The following CAPNS1 variants were observed in gnomAD, a reference collection of about 807,000 sequenced individuals.
CAPNS1 encodes calpain small subunit 1, also known as CANP small subunit.
A neutral mutation model predicts 39.2 loss-of-function variants in CAPNS1; 32 were observed. The observed-to-expected ratio is 0.82, with a 90% confidence interval of 0.62 to 1.10. The LOEUF is 1.10. CAPNS1 is among the 50% of genes least tolerant of loss of function. CAPNS1 has a pLI of 0.00. For missense variants in CAPNS1, 353 were observed against 373.1 expected (o/e 0.95, Z 0.44); for synonymous variants, 153 against 136.2 (o/e 1.12, Z -0.86).
In CAPNS1 at chr19:36,142,651, GC is replaced by G; in HGVS notation, c.248del (p.Pro83HisfsTer39). On this transcript the variant is annotated frameshift_variant and splice_region_variant, in exon 4 of 11. Transcript: ENST00000246533. LOFTEE classifies it high-confidence loss of function. ...TGCTCTGAGCTCTCCTCCCTTTGCA[GC>G]CCCCACGCACACATTACTCCAACAT... Reference protein sequence around the residue: ...AAAQYNPEPPPPRTHYSNIEA... With the variant: ...AAAQYNPEPPXPRTHYSNIEA... 6.2e-7 allele frequency: 1 copy of G among 1,613,864 alleles called. No individual in the cohort carries two copies. The highest frequency in any genetic ancestry group is 1.1e-5 in the South Asian group (1 of 91,066).
chr19:36,142,449 G>C, intron 3 of CAPNS1, 116 bp downstream of exon 3: 1 of 697,138 alleles, frequency 1.4e-6, no homozygotes, highest in East Asian at 2.6e-5. Context: ...TCCTCTGCCA[G>C]TTCCTCCCAT....
Position 36,149,912 on chromosome 19 carries a change from C to A in CAPNS1, c.*73C>A. 1 of 1,316,696 alleles carries A rather than the reference C, an allele frequency of 7.6e-7. No homozygotes were observed. Among genetic ancestry groups the A allele is most frequent in the Non-Finnish European group, 1.0e-6 (1 of 1,004,450 alleles). The allele number at this position is 1,316,696 out of a possible 1,614,324, so 81.6% of individuals were successfully genotyped here. ...CTGGAGCCTCGGTCTCTCCCAGGGC[C>A]GATCCTGTCTGCAGTCACATCTTTG... On this transcript the variant is annotated 3_prime_UTR_variant, in exon 11 of 11. Transcript: ENST00000246533.
intron 6 of CAPNS1, 140 bp downstream of exon 6, chr19:36,143,268 G>A: frequency 1.3e-6 from 1 of 782,084 alleles, no homozygotes; most frequent in Non-Finnish European, 2.2e-6. Context: ...GCAGACATGT[G>A]GCGGTAAATC....
chr19:36,149,755 C>T, intron 10 of CAPNS1, 58 bp from the exon 11 acceptor site: 5 of 1,587,228 alleles, frequency 3.2e-6, no homozygotes, highest in Non-Finnish European at 4.3e-6. Flanking sequence ...TGGGTGAGGG[C>T]AAAGGGGCTG....
chr19:36,142,896 C>A lies in CAPNS1; in HGVS notation c.334-13C>A. ...TCAGTCACCCCTGACCTGCCCCTAA[C>A]TTCCGCCCGCAGGACATGGAGGTCA... On this transcript the variant is annotated splice_polypyrimidine_tract_variant and intron_variant, in intron 4 of 10. Transcript: ENST00000246533. 1 of 1,614,208 alleles carries A rather than the reference C, an allele frequency of 6.2e-7. No homozygotes were observed.
At chr19:36,147,124 G>A (rs1206716087) in intron 9 of CAPNS1, among the ~76,000 whole-genome samples, 1 of 152,222 alleles carries the variant, frequency 6.6e-6, no homozygotes, top group African/African-American at 2.4e-5. Flanking sequence ...GGTGTTACAG[G>A]CATGAGCCAT....
rs986698413 is a variant in CAPNS1, at chr19:36,149,442, A to G, written c.722-136A>G. 2.6e-5 allele frequency: 20 copies of G among 755,444 alleles called. No individual in the cohort carries two copies. In the African/African-American group the frequency reaches 3.1e-4, roughly 12 times the overall value. 46.8% of individuals were successfully genotyped at this position (755,444 alleles called of 1,614,324 possible). On this transcript the variant is annotated intron_variant, in intron 9 of 10. Transcript: ENST00000246533. ...CAATACCTGGAAAGCACTTTACCCCATGCTTGGCACACAGTAAATACTCAG... is the reference window on the plus strand; with the variant it reads ...CAATACCTGGAAAGCACTTTACCCCGTGCTTGGCACACAGTAAATACTCAG...
At chr19:36,148,586 G>A (rs912102731) in intron 9 of CAPNS1, among the ~76,000 whole-genome samples, 4 of 151,422 alleles carry the variant, frequency 2.6e-5, no homozygotes, top group African/African-American at 9.7e-5. Context: ...CGAGGTGGGC[G>A]GATCACCTGA....
chr19:36,140,393 C>T (rs915297158), intron 1 of CAPNS1: 2 of 152,384 alleles, frequency 1.3e-5, no homozygotes, highest in East Asian at 1.9e-4. Context: ...TGAATTCTTC[C>T]TTGGGGTGTC....
Position 36,141,118 on chromosome 19 carries a change from C to T in CAPNS1, c.107C>T (p.Ala36Val), listed in dbSNP as rs1974343776. ...GNVLGGLISG[A>V]GGGGGGGGGG... is the part of the protein sequence containing the mutation. ...GTGCTTGGAGGCCTGATCAGCGGGG[C>T]CGGGGGCGGCGGCGGCGGCGGCGGC... is the stretch of plus-strand genomic sequence containing the variant. The change falls in exon 2 of 11, where the codon GCC (alanine) becomes GTC (valine). Residue 36 changes from alanine to valine, a missense_variant. Ala to Val is a moderately conservative substitution (Grantham distance 64). Coordinates refer to ENST00000246533, the MANE Select transcript of CAPNS1 (RefSeq NM_001749.4). The T allele has an allele frequency of 3.6e-6, 5 of 1,371,518 alleles. No individual in the cohort carries two copies. The highest frequency in any genetic ancestry group is 4.7e-6 in the Non-Finnish European group (5 of 1,062,406). The allele number at this position is 1,371,518 out of a possible 1,614,324, so 85.0% of individuals were successfully genotyped here. A position where few individuals can be genotyped will look rare whatever the true frequency, so the allele number is the denominator to read the frequency against.
chr19:36,145,980 TA>T lies in CAPNS1; in HGVS notation c.531del (p.Tyr178ThrfsTer28), dbSNP rs757448684. On this transcript the variant is annotated frameshift_variant, in exon 8 of 11. Coordinates refer to ENST00000246533, the MANE Select transcript of CAPNS1 (RefSeq NM_001749.4). LOFTEE classifies it high-confidence loss of function. The part of the protein sequence containing the change: ...LWNNIKRWQA[I>X]YKQFDTDRSG... ...CCAATGTCTCTGTCCTCACAGGCCA[TA>T]TACAAACAGTTCGACACTGACCGAT... 6.2e-7 allele frequency: 1 copy of T among 1,614,062 alleles called. No homozygotes were observed. Among genetic ancestry groups the T allele is most frequent in the Non-Finnish European group, 8.5e-7 (1 of 1,180,024 alleles).
At chr19:36,147,920 A>G (rs1342066425) in intron 9 of CAPNS1, 1 of 151,886 alleles carries the variant, frequency 6.6e-6, no homozygotes, top group African/African-American at 2.4e-5. Context: ...TAACGATACA[A>G]AAGTTAGCCA....
intron 9 of CAPNS1, among the ~76,000 whole-genome samples, chr19:36,147,791 G>C (rs1599884319): frequency 6.6e-6 from 1 of 151,964 alleles, no homozygotes; most frequent in Non-Finnish European, 1.5e-5. Flanking sequence ...TTGGCCTCCA[G>C]GCCGGGTGCA....
In CAPNS1 at chr19:36,150,338, C is replaced by G. The variant is rs1479458608; in HGVS notation, c.*499C>G. 6.2e-6 allele frequency: 1 copy of G among 160,872 alleles called. No homozygotes were observed. Among genetic ancestry groups the G allele is most frequent in the Non-Finnish European group, 1.4e-5 (1 of 73,946 alleles). 10.0% of individuals were successfully genotyped at this position (160,872 alleles called of 1,614,324 possible). ...GGCCCAGGAGGAAATAAACATGCCCCAGTTGCTGATCTCTATGGGATCTGC... is the reference window on the plus strand; with the variant it reads ...GGCCCAGGAGGAAATAAACATGCCCGAGTTGCTGATCTCTATGGGATCTGC... On this transcript the variant is annotated 3_prime_UTR_variant, in exon 11 of 11. Transcript: ENST00000246533.
intron 2 of CAPNS1, chr19:36,141,504 G>C: frequency 8.1e-7 from 1 of 1,235,894 alleles, no homozygotes; most frequent in African/African-American, 1.6e-5. Context: ...GAGTTTTGGC[G>C]GGTGGGGCTT....
intron 2 of CAPNS1, 104 bp downstream of exon 2, chr19:36,141,324 G>A: frequency 7.1e-7 from 1 of 1,400,278 alleles, no homozygotes. Context: ...GGATTAACCT[G>A]GAGGCTAACC....
intron 1 of CAPNS1, chr19:36,140,759 C>A: frequency 2.1e-6 from 1 of 476,630 alleles, no homozygotes; most frequent in Non-Finnish European, 3.6e-6. Context: ...CTCCCCTTCA[C>A]GCGTGCACCC....
intron 6 of CAPNS1, among the ~76,000 whole-genome samples, chr19:36,143,697 C>CAAA (rs35391713): frequency 1.7e-5 from 2 of 118,688 alleles, no homozygotes; most frequent in Non-Finnish European, 1.8e-5. Flanking sequence ...CTGTCTCTAC[C>CAAA]AAAAAAAAAA....
Position 36,146,021 on chromosome 19 carries a change from A to T in CAPNS1, c.571A>T (p.Ser191Cys), listed in dbSNP as rs777474498. 20 of 1,614,078 alleles carry T rather than the reference A, an allele frequency of 1.2e-5. No individual in the cohort carries two copies. Among genetic ancestry groups the T allele is most frequent in the Non-Finnish European group, 1.6e-5 (19 of 1,180,042 alleles). ...FDTDRSGTICSSELPGAFEAA... is the reference protein window; with the variant it reads ...FDTDRSGTICCSELPGAFEAA... ...CACTGACCGATCAGGGACCATTTGC[A>T]GTAGTGAACTCCCAGGTGCCTTTGA... The change falls in exon 8 of 11, where the codon AGT becomes TGT. Residue 191 changes from serine to cysteine, a missense_variant. Ser to Cys is a moderately radical substitution (Grantham distance 112). Transcript: ENST00000246533.
Sources: allele counts gnomAD v4.1 joint callset (sites outside exome capture counted in the v4.1 genomes callset), GRCh38; gene constraint gnomAD v4.1.1; transcripts MANE v1.5; gene names NCBI Gene and HGNC (gene_info 2026-07-23, HGNC 2026-07-21).